ADGRG4: variants seen among roughly 807,000 people sequenced by gnomAD.
The protein encoded by ADGRG4 is adhesion G protein-coupled receptor G4, also known as G protein-coupled receptor 112.
In ADGRG4, 122 loss-of-function variants were observed where a neutral mutation model predicts 126.2. The observed-to-expected ratio is 0.97, with a 90% CI of 0.83 to 1.12. The LOEUF (loss-of-function observed/expected upper bound fraction) is 1.12, where lower values mean the gene tolerates loss of function less well. Among genes scored for constraint, ADGRG4 ranks in the 50% most tolerant of loss-of-function variants. The probability of loss-of-function intolerance (pLI) is 0.00; values close to 1 mark genes in which losing one functional copy is unlikely to be tolerated. For synonymous variants in ADGRG4, 943 were observed against 838.7 expected (o/e 1.12, Z -2.15); for missense variants, 2,481 against 2,251.8 (o/e 1.10, Z -2.06).
chrX:136,302,787 G>A (rs947369314), intron 1 of ADGRG4, among the ~76,000 whole-genome samples: 1 of 111,549 alleles, frequency 9.0e-6, no homozygotes, highest in East Asian at 2.8e-4. Flanking sequence ...CATTTATTAC[G>A]TACCAGGTAG....
In ADGRG4 at chrX:136,346,502, T is replaced by C; in HGVS notation, c.2796T>C (p.Asn932=). ...SSYNEMTEMF[N]FNHTYVAHWT... is the part of the protein sequence containing the mutation. ...ACAATGAAATGACAGAAATGTTTAATTTTAACCACACCTATGTAGCACATT... is the reference window on the plus strand; with the variant it reads ...ACAATGAAATGACAGAAATGTTTAACTTTAACCACACCTATGTAGCACATT... Residue 932 remains asparagine (N), a synonymous_variant, in exon 6 of 26, where the codon AAT becomes AAC. Transcript: ENST00000394143. The C allele has an allele frequency of 1.7e-6, 2 of 1,209,915 alleles. No homozygotes were observed. Among genetic ancestry groups the C allele is most frequent in the Non-Finnish European group, 2.2e-6 (2 of 893,997 alleles).
chrX:136,337,423 C>T (rs1277182227), intron 5 of ADGRG4, among the ~76,000 whole-genome samples: 3 of 112,242 alleles, frequency 2.7e-5, no homozygotes, highest in South Asian at 3.7e-4. Context: ...TTCTCATTCT[C>T]CAAGATTCTT....
In ADGRG4 at chrX:136,392,477, C is replaced by T. The variant is rs2075325172; in HGVS notation, c.8034+123C>T. The T allele has an allele frequency of 5.0e-6, 3 of 597,566 alleles. No homozygotes were observed. In the Admixed American group the frequency reaches 1.1e-4, roughly 21 times the overall value. The allele number at this position is 597,566 out of a possible 1,213,427, so 49.2% of individuals were successfully genotyped here. On this transcript the variant is annotated intron_variant, in intron 17 of 25. Transcript: ENST00000394143. ...ACACTTAATGAGGAATGTCCTATTC[C>T]AGGTAGCAAATGTGTGTTATAATTG...
chrX:136,367,196 C>T (rs2075164089), intron 13 of ADGRG4, among the ~76,000 whole-genome samples: 2 of 112,116 alleles, frequency 1.8e-5, no homozygotes, highest in Non-Finnish European at 3.8e-5. Flanking sequence ...TCCAGTGCCT[C>T]GCAGAAGGGC....
chrX:136,397,292 T>A (rs1469461161), intron 19 of ADGRG4, among the ~76,000 whole-genome samples: 1 of 111,409 alleles, frequency 9.0e-6, no homozygotes, highest in Non-Finnish European at 1.9e-5. Flanking sequence ...CTTCTTAACC[T>A]TTGATGAGTC....
chrX:136,345,723 AT>A lies in ADGRG4; in HGVS notation c.2018del (p.Ile673AsnfsTer33). On this transcript the variant is annotated frameshift_variant, in exon 6 of 26. Coordinates refer to ENST00000394143, the MANE Select transcript of ADGRG4 (RefSeq NM_153834.4). LOFTEE classifies it high-confidence loss of function. ...ALLASMNTTT[I>X]LTFVPNENFT... is the part of the protein sequence containing the mutation. ...GCTGGCATCTATGAACACAACCACC[AT>A]ACTCACATTTGTGCCTAATGAAAAT... 8.3e-7 allele frequency: 1 copy of A among 1,211,293 alleles called. No homozygotes were observed. Among genetic ancestry groups the A allele is most frequent in the Non-Finnish European group, 1.1e-6 (1 of 895,225 alleles).
intron 15 of ADGRG4, among the ~76,000 whole-genome samples, chrX:136,373,977 T>C (rs1382167774): frequency 9.0e-6 from 1 of 111,141 alleles, no homozygotes; most frequent in Non-Finnish European, 1.9e-5. Context: ...TAAAAAGATA[T>C]AGAATATTAC....
At chrX:136,354,518 G>T (rs1378474248) in intron 8 of ADGRG4, among the ~76,000 whole-genome samples, 1 of 111,485 alleles carries the variant, frequency 9.0e-6, no homozygotes, top group Admixed American at 9.5e-5. Context: ...GACCAAACGT[G>T]TGGGGATTTT....
intron 16 of ADGRG4, 101 bp downstream of exon 16, chrX:136,387,975 A>G: frequency 1.3e-6 from 1 of 777,415 alleles, no homozygotes; most frequent in Non-Finnish European, 1.9e-6. Context: ...ATTTTAGAAT[A>G]TGCTGATTGA....
chrX:136,403,157 G>T, intron 21 of ADGRG4, 87 bp from the exon 22 acceptor site: 1 of 667,590 alleles, frequency 1.5e-6, no homozygotes. Context: ...TTTAAACAGT[G>T]TCTTAATGTA....
intron 15 of ADGRG4, among the ~76,000 whole-genome samples, chrX:136,377,842 G>GTTT (rs80099479): frequency 1.4e-3 from 133 of 96,357 alleles, no homozygotes; most frequent in African/African-American, 4.5e-3. Context: ...TTCCTATACT[G>GTTT]TTTTTTTTTT....
At chrX:136,329,044 GAA>G (rs1163046357) in intron 5 of ADGRG4, among the ~76,000 whole-genome samples, 1 of 106,072 alleles carries the variant, frequency 9.4e-6, no homozygotes, top group African/African-American at 3.4e-5. Context: ...ACACCACTTT[GAA>G]AAAAAAAAGT....
At chrX:136,350,979 C>T (rs1353416107) in intron 6 of ADGRG4, among the ~76,000 whole-genome samples, 2 of 111,583 alleles carry the variant, frequency 1.8e-5, no homozygotes, top group African/African-American at 6.5e-5. Context: ...TGGAATATTC[C>T]TGCAACTTTT....
rs2074749976 is a variant in ADGRG4, at chrX:136,308,809, A to G, written c.32A>G (p.Tyr11Cys). ...GAACACATCATATATCAGAAGCTTT[A>G]TGGATTGATTCTCATGTCGAGTTTT... MKEHIIYQKL[Y>C]GLILMSSFIF... The change falls in exon 4 of 26, where the codon TAT (tyrosine) becomes TGT (cysteine). Residue 11 changes from tyrosine to cysteine, a missense_variant. Transcript: ENST00000394143. 1.7e-6 allele frequency: 2 copies of G among 1,177,447 alleles called. No individual in the cohort carries two copies. Among genetic ancestry groups the G allele is most frequent in the Admixed American group, 2.2e-5 (1 of 45,269 alleles).
rs1219064272 is a variant in ADGRG4, at chrX:136,380,604, C to CTCTTCTTCTTCT, written c.7777-7100_7777-7089dup. On this transcript the variant is annotated intron_variant, in intron 15 of 25. Transcript: ENST00000394143. ...CCTCCTCCTCCTCCTCCTCCTCCTCCTCTTCTTCTTCTTCTTCTTCTTCTT... is the reference window on the plus strand; with the variant it reads ...CCTCCTCCTCCTCCTCCTCCTCCTCCTCTTCTTCTTCTTCTTCTTCTTCTTCTTCTTCTTCTT... Among the ~76,000 whole-genome samples, 108 of 55,342 alleles carry CTCTTCTTCTTCT rather than the reference C, an allele frequency of 2.0e-3. 1 individual carries two copies. Among genetic ancestry groups the CTCTTCTTCTTCT allele is most frequent in the South Asian group, 3.5e-3 (3 of 859 alleles). 48.1% of individuals were successfully genotyped at this position (55,342 alleles called of 115,157 possible). A position where few individuals can be genotyped will look rare whatever the true frequency, so the allele number is the denominator to read the frequency against.
Position 136,400,043 on chromosome X carries a change from G to A in ADGRG4, c.8502G>A (p.Met2834Ile). 2 of 1,206,173 alleles carry A rather than the reference G, an allele frequency of 1.7e-6. No individual in the cohort carries two copies. Among genetic ancestry groups the A allele is most frequent in the Non-Finnish European group, 2.2e-6 (2 of 890,456 alleles). ...GGATGGGCCTGGAGGCAGTCCACATGTATTTGGCTCTAGTCAAAGTCTTCA... is the reference window on the plus strand; with the variant it reads ...GGATGGGCCTGGAGGCAGTCCACATATATTTGGCTCTAGTCAAAGTCTTCA... ...FTWMGLEAVH[M>I]YLALVKVFNI... Residue 2834 changes from methionine (M) to isoleucine (I), a missense_variant, in exon 21 of 26, where the codon ATG (methionine) becomes ATA (isoleucine). Physicochemically the swap from Met to Ile is conservative, Grantham distance 10. Transcript: ENST00000394143.
At chrX:136,341,482 G>C (rs902193509) in intron 5 of ADGRG4, among the ~76,000 whole-genome samples, 4 of 111,858 alleles carry the variant, frequency 3.6e-5, no homozygotes, top group Non-Finnish European at 5.6e-5. Flanking sequence ...AAGCCAGTTG[G>C]CTGGTGTAAA....
At chrX:136,317,175 G>A (rs1268538382) in intron 4 of ADGRG4, among the ~76,000 whole-genome samples, 1 of 111,329 alleles carries the variant, frequency 9.0e-6, no homozygotes, top group Non-Finnish European at 1.9e-5. Flanking sequence ...GAATCTTCAC[G>A]ACCTTTGGTT....
intron 4 of ADGRG4, among the ~76,000 whole-genome samples, chrX:136,313,844 G>A (rs2074789177): frequency 9.0e-6 from 1 of 111,408 alleles, no homozygotes; most frequent in Non-Finnish European, 1.9e-5. Flanking sequence ...TCAAGGTAGG[G>A]CTTATGGGAG....
Sources: allele counts gnomAD v4.1 joint callset (sites outside exome capture counted in the v4.1 genomes callset), GRCh38; gene constraint gnomAD v4.1.1; transcripts MANE v1.5; gene names NCBI Gene and HGNC (gene_info 2026-07-23, HGNC 2026-07-21).